HS3ST3B1: variants seen among roughly 807,000 people sequenced by gnomAD.
HS3ST3B1 encodes the protein heparan sulfate glucosamine 3-O-sulfotransferase 3B1.
A neutral mutation model predicts 21.3 loss-of-function variants in HS3ST3B1; 13 were observed. The observed-to-expected ratio is 0.61, with a 90% CI of 0.40 to 0.97. HS3ST3B1 has a LOEUF of 0.97. HS3ST3B1 is among the 50% of genes least tolerant of loss of function. HS3ST3B1 has a pLI of 0.00. For missense variants in HS3ST3B1, 459 were observed against 554.8 expected (o/e 0.83, Z 1.73); for synonymous variants, 234 against 254.8 (o/e 0.92, Z 0.78).
rs1910593660 is a variant in HS3ST3B1, at chr17:14,346,717, G to T, written c.*1071G>T. 6.6e-6 allele frequency: 1 copy of T among 152,228 alleles called. No individual in the cohort carries two copies. Among genetic ancestry groups the T allele is most frequent in the Non-Finnish European group, 1.5e-5 (1 of 68,088 alleles). The allele number at this position is 152,228 out of a possible 1,614,324, so 9.4% of individuals were successfully genotyped here. ...CAGGTCACATGTGTGAGATGCCTGG[G>T]TGCTGCTTCAGAAATCAAGATGATC... is the stretch of plus-strand genomic sequence containing the variant. On this transcript the variant is annotated 3_prime_UTR_variant, in exon 2 of 2. Transcript: ENST00000360954.
At chr17:14,319,839 T>C (rs1909603798) in intron 1 of HS3ST3B1, among the ~76,000 whole-genome samples, 1 of 152,024 alleles carries the variant, frequency 6.6e-6, no homozygotes. Context: ...ATGGATAAGT[T>C]CTTTAGTGGT....
chr17:14,327,093 G>T (rs760601487), intron 1 of HS3ST3B1, among the ~76,000 whole-genome samples: 3 of 152,030 alleles, frequency 2.0e-5, no homozygotes, highest in Non-Finnish European at 4.4e-5. Context: ...TGGAGGGCAA[G>T]AATCATCCCG....
At chr17:14,341,738 A>G (rs543467429) in intron 1 of HS3ST3B1, among the ~76,000 whole-genome samples, 50 of 152,230 alleles carry the variant, frequency 3.3e-4, no homozygotes, top group African/African-American at 9.9e-4. Context: ...GGGGTTTGGT[A>G]TTCCTTCAAT....
At chr17:14,307,867 C>T (rs1389494788) in intron 1 of HS3ST3B1, among the ~76,000 whole-genome samples, 2 of 152,074 alleles carry the variant, frequency 1.3e-5, no homozygotes, top group South Asian at 2.1e-4. Flanking sequence ...ATTTAACAGT[C>T]GATGATTTCA....
intron 1 of HS3ST3B1, among the ~76,000 whole-genome samples, chr17:14,325,081 C>T (rs1338405263): frequency 2.6e-5 from 4 of 152,130 alleles, no homozygotes; most frequent in African/African-American, 9.7e-5. Flanking sequence ...AAAAAGAAAA[C>T]CTTAATTACA....
intron 1 of HS3ST3B1, among the ~76,000 whole-genome samples, chr17:14,338,982 C>T (rs1213939563): frequency 6.6e-6 from 1 of 152,142 alleles, no homozygotes; most frequent in African/African-American, 2.4e-5. Context: ...CATGTGGGCA[C>T]ACATACCTGG....
At chr17:14,335,684 ACT>A (rs1597600689) in intron 1 of HS3ST3B1, among the ~76,000 whole-genome samples, 1 of 151,060 alleles carries the variant, frequency 6.6e-6, no homozygotes, top group African/African-American at 2.4e-5. Flanking sequence ...ACAGAGCAAG[ACT>A]CTGTCTCAAA....
At chr17:14,338,293 T>C (rs1910253207) in intron 1 of HS3ST3B1, among the ~76,000 whole-genome samples, 1 of 150,858 alleles carries the variant, frequency 6.6e-6, no homozygotes, top group Non-Finnish European at 1.5e-5. Flanking sequence ...GCCCGGCTAA[T>C]TTTTTGTATT....
chr17:14,316,486 G>A (rs970929064), intron 1 of HS3ST3B1, among the ~76,000 whole-genome samples: 7 of 152,234 alleles, frequency 4.6e-5, no homozygotes, highest in East Asian at 3.9e-4. Context: ...GTTCTGTGTC[G>A]GTGGTGTTTA....
At chr17:14,341,265 G>A (rs111821641) in intron 1 of HS3ST3B1, among the ~76,000 whole-genome samples, 83 of 152,332 alleles carry the variant, frequency 5.4e-4, no homozygotes, top group Non-Finnish European at 9.6e-4. Flanking sequence ...GGAAGGTTGT[G>A]GACCCCAGGC....
chr17:14,343,164 C>T (rs1216903408), intron 1 of HS3ST3B1, among the ~76,000 whole-genome samples: 1 of 151,874 alleles, frequency 6.6e-6, no homozygotes, highest in Non-Finnish European at 1.5e-5. Flanking sequence ...ATTGCTTGAA[C>T]CCGAGAGGCG....
At chr17:14,336,706 G>A (rs1910194314) in intron 1 of HS3ST3B1, among the ~76,000 whole-genome samples, 1 of 152,186 alleles carries the variant, frequency 6.6e-6, no homozygotes, top group South Asian at 2.1e-4. Flanking sequence ...ATCTTCAAAT[G>A]TGATTCTGAG....
intron 1 of HS3ST3B1, among the ~76,000 whole-genome samples, chr17:14,343,706 A>G (rs1910461484): frequency 6.6e-6 from 1 of 152,204 alleles, no homozygotes; most frequent in Admixed American, 6.5e-5. Context: ...CATTGTGCAT[A>G]TATACTACAC....
chr17:14,301,886 G>T lies in HS3ST3B1; in HGVS notation c.368G>T (p.Ser123Ile). 1 of 1,607,524 alleles carries T rather than the reference G, an allele frequency of 6.2e-7. No individual in the cohort carries two copies. The highest frequency in any genetic ancestry group is 1.7e-4 in the Middle Eastern group (1 of 5,998). Residue 123 changes from serine to isoleucine, a missense_variant, in exon 1 of 2, where the codon AGC becomes ATC. By Grantham distance (142) the Ser-to-Ile change is moderately radical. Transcript: ENST00000360954. ...AGTCCCGAGGTGCCGGACTCCCCAA[G>T]CCCCATCTCCAGCTTTTTCAGTGGG... ...EQSPEVPDSP[S>I]PISSFFSGSG...
chr17:14,337,345 T>TTTTTA (rs1567643380), intron 1 of HS3ST3B1, among the ~76,000 whole-genome samples: 3 of 151,516 alleles, frequency 2.0e-5, no homozygotes, highest in Admixed American at 1.3e-4. Flanking sequence ...TTTTTTTTTT[T>TTTTTA]GAGATGGAGT....
At position 14,301,289 on chromosome 17, in the gene HS3ST3B1, C is replaced by G; in HGVS notation, c.-230C>G. The G allele has an allele frequency of 2.0e-6, 1 of 493,110 alleles. No homozygotes were observed. Among genetic ancestry groups the G allele is most frequent in the Middle Eastern group, 5.2e-4 (1 of 1,936 alleles). 30.5% of individuals were successfully genotyped at this position (493,110 alleles called of 1,614,324 possible). On this transcript the variant is annotated 5_prime_UTR_variant, in exon 1 of 2. Coordinates refer to ENST00000360954, the MANE Select transcript of HS3ST3B1 (RefSeq NM_006041.3). ...AGCAGTTACCGCCGTCCCGACTTTCCGTTCCAGTTGCAGCTCCTGCCGGGC... is the reference window on the plus strand; with the variant it reads ...AGCAGTTACCGCCGTCCCGACTTTCGGTTCCAGTTGCAGCTCCTGCCGGGC...
intron 1 of HS3ST3B1, 88 bp downstream of exon 1, chr17:14,302,160 G>T: frequency 6.9e-7 from 1 of 1,445,016 alleles, no homozygotes; most frequent in South Asian, 1.4e-5. Context: ...GAATTGGCAG[G>T]GTTACAGCTT....
At chr17:14,319,635 CT>C in intron 1 of HS3ST3B1, among the ~76,000 whole-genome samples, 1 of 152,074 alleles carries the variant, frequency 6.6e-6, no homozygotes, top group Non-Finnish European at 1.5e-5. Flanking sequence ...CCTCCTGTAG[CT>C]TACATTCTAG....
chr17:14,304,925 TA>T (rs1395981956), intron 1 of HS3ST3B1: 1 of 152,106 alleles, frequency 6.6e-6, no homozygotes, highest in Non-Finnish European at 1.5e-5. Flanking sequence ...TTAATGGGTT[TA>T]ATCGGTTGAT....
Sources: allele counts gnomAD v4.1 joint callset (sites outside exome capture counted in the v4.1 genomes callset), GRCh38; gene constraint gnomAD v4.1.1; transcripts MANE v1.5; gene names NCBI Gene and HGNC (gene_info 2026-07-23, HGNC 2026-07-21).